ADGRL2: variants seen among roughly 807,000 people sequenced by gnomAD.
ADGRL2 encodes calcium-independent alpha-latrotoxin receptor 2.
A neutral mutation model predicts 157.4 loss-of-function variants in ADGRL2; 44 were observed. The ratio of observed to expected loss-of-function variants is 0.28; its 90% confidence interval spans 0.22 to 0.36. ADGRL2 has a LOEUF of 0.36. Among genes scored for constraint, ADGRL2 ranks in the 10% least tolerant of loss-of-function variants. The pLI is 1.00. For synonymous variants in ADGRL2, 585 were observed against 624.7 expected (o/e 0.94, Z 0.95); for missense variants, 1,510 against 1,768.9 (o/e 0.85, Z 2.63).
chr1:81,422,722 C>T (rs558071833), intron 1 of ADGRL2, among the ~76,000 whole-genome samples: 2 of 152,250 alleles, frequency 1.3e-5, no homozygotes, highest in South Asian at 4.1e-4. Context: ...ATCAGCTGTA[C>T]CACCATTTTC....
chr1:81,646,062 A>G (rs757742006), intron 3 of ADGRL2, among the ~76,000 whole-genome samples: 3 of 152,132 alleles, frequency 2.0e-5, no homozygotes, highest in African/African-American at 7.2e-5. Flanking sequence ...TGATTCTTGT[A>G]TGTACTAGAT....
At chr1:81,523,387 A>G (rs1306064905) in intron 2 of ADGRL2, among the ~76,000 whole-genome samples, 1 of 152,166 alleles carries the variant, frequency 6.6e-6, no homozygotes, top group Non-Finnish European at 1.5e-5. Flanking sequence ...ATAAAGCTTC[A>G]ATAATTAAAG....
chr1:81,757,603 ATCT>A (rs1176106411), intron 1 of ADGRL2, among the ~76,000 whole-genome samples: 2 of 152,166 alleles, frequency 1.3e-5, no homozygotes, highest in East Asian at 1.9e-4. Context: ...TTGTCTATAA[ATCT>A]TCTTCCATCA....
intron 4 of ADGRL2, among the ~76,000 whole-genome samples, chr1:81,941,303 G>A (rs1267742424): frequency 6.6e-6 from 1 of 151,392 alleles, no homozygotes; most frequent in Non-Finnish European, 1.5e-5. Flanking sequence ...TAGTGGGGGA[G>A]AAAGGTACTA....
rs72940963 is a variant in ADGRL2, at chr1:81,450,796, A to G, written c.-248+5707A>G. 6.4e-3 allele frequency among the ~76,000 whole-genome samples: 978 copies of G among 152,242 alleles called. 12 individuals are homozygous for G. Among genetic ancestry groups the G allele is most frequent in the African/African-American group, 0.022 (926 of 41,560 alleles). On this transcript the variant is annotated intron_variant, in intron 2 of 24. Transcript: ENST00000370721. ...GTGAATTATGAAAAGCAAAAGCATT[A>G]TATGTGCTTTTTCTGGAAAGTAAAG...
intron 1 of ADGRL2, among the ~76,000 whole-genome samples, chr1:81,364,004 T>C (rs548097945): frequency 1.3e-5 from 2 of 152,302 alleles, no homozygotes; most frequent in East Asian, 1.9e-4. Context: ...GCATTTAATA[T>C]TGTTGAAATT....
chr1:81,990,912 T>C lies in ADGRL2; in HGVS notation c.4177T>C (p.Tyr1393His), dbSNP rs1388921735. ...TSMPNLRDSP[Y>H]PESSPDMEED... is the part of the protein sequence containing the mutation. ...CATGCCCAATCTTAGAGACTCTCCC[T>C]ATCCGGAGAGCAGCCCTGACATGGA... Residue 1393 changes from tyrosine (Y) to histidine (H), a missense_variant, in exon 24 of 24, where the codon TAT becomes CAT. This residue lies in a region of ADGRL2 where 327 missense variants were observed against 310.1 expected (regional missense o/e 1.05). Coordinates refer to ENST00000686636, the MANE Select transcript of ADGRL2 (RefSeq NM_001366006.2). The C allele has an allele frequency of 1.2e-6, 2 of 1,613,920 alleles. No homozygotes were observed. Among genetic ancestry groups the C allele is most frequent in the Non-Finnish European group, 1.7e-6 (2 of 1,179,990 alleles).
chr1:81,409,384 A>G (rs1406359636), intron 1 of ADGRL2, among the ~76,000 whole-genome samples: 1 of 152,194 alleles, frequency 6.6e-6, no homozygotes, highest in Non-Finnish European at 1.5e-5. Context: ...GAATCTGCAA[A>G]TATGTCCTGG....
intron 1 of ADGRL2, among the ~76,000 whole-genome samples, chr1:81,419,735 G>A (rs1036563752): frequency 1.1e-4 from 16 of 152,144 alleles, no homozygotes; most frequent in African/African-American, 3.9e-4. Context: ...AATTCCTTGA[G>A]GAGAAGTCTG....
chr1:81,714,144 C>A (rs2084029974), intron 1 of ADGRL2, among the ~76,000 whole-genome samples: 1 of 152,128 alleles, frequency 6.6e-6, no homozygotes, highest in South Asian at 2.1e-4. Flanking sequence ...CAGGTCCCTC[C>A]CATGACATGT....
intron 1 of ADGRL2, among the ~76,000 whole-genome samples, chr1:81,412,775 G>A (rs2076968865): frequency 1.3e-5 from 2 of 152,094 alleles, no homozygotes; most frequent in African/African-American, 4.8e-5. Context: ...TGGATGGATG[G>A]AAATATAAAA....
At chr1:81,575,408 T>C (rs576119876) in intron 2 of ADGRL2, among the ~76,000 whole-genome samples, 10 of 152,322 alleles carry the variant, frequency 6.6e-5, no homozygotes, top group African/African-American at 1.9e-4. Flanking sequence ...GGACAAATTA[T>C]GCACATACCC....
At position 81,420,783 on chromosome 1, in the gene ADGRL2, G is replaced by A. The variant is rs78429277; in HGVS notation, c.-301-24253G>A. On this transcript the variant is annotated intron_variant, in intron 1 of 24. Transcript: ENST00000370721. ...ACAAAAGAAGCTCTCCTAGGTCGTCGGTGGGAAGTTCAATATTATTCCCTC... is the reference window on the plus strand; with the variant it reads ...ACAAAAGAAGCTCTCCTAGGTCGTCAGTGGGAAGTTCAATATTATTCCCTC... Among the ~76,000 whole-genome samples, 590 of 152,194 alleles carry A rather than the reference G, an allele frequency of 3.9e-3. 3 individuals carry two copies. The highest frequency in any genetic ancestry group is 0.014 in the African/African-American group (575 of 41,520).
intron 3 of ADGRL2, among the ~76,000 whole-genome samples, chr1:81,912,392 A>C (rs551033183): frequency 6.6e-6 from 1 of 152,224 alleles, no homozygotes; most frequent in South Asian, 2.1e-4. Context: ...ATTAAGTAAA[A>C]TTCATTATAT....
chr1:81,346,983 T>C (rs1394683644), intron 1 of ADGRL2, among the ~76,000 whole-genome samples: 1 of 152,152 alleles, frequency 6.6e-6, no homozygotes, highest in Non-Finnish European at 1.5e-5. Flanking sequence ...ACATTAGATA[T>C]ACAGACGTTA....
chr1:81,360,929 T>C (rs1218237606), intron 1 of ADGRL2, among the ~76,000 whole-genome samples: 3 of 151,888 alleles, frequency 2.0e-5, no homozygotes, highest in African/African-American at 4.8e-5. Context: ...TCTTCTGACC[T>C]AGTATCTATG....
intron 1 of ADGRL2, among the ~76,000 whole-genome samples, chr1:81,726,025 A>G (rs2084516450): frequency 6.6e-6 from 1 of 151,996 alleles, no homozygotes; most frequent in Non-Finnish European, 1.5e-5. Context: ...AAAAACCAAA[A>G]CAATCCGCAG....
At chr1:81,784,141 T>C (rs1162870838) in intron 2 of ADGRL2, among the ~76,000 whole-genome samples, 1 of 152,222 alleles carries the variant, frequency 6.6e-6, no homozygotes, top group African/African-American at 2.4e-5. Flanking sequence ...AGCATCTTAA[T>C]ATTAACATTA....
At chr1:81,878,235 A>C (rs550824734) in intron 2 of ADGRL2, among the ~76,000 whole-genome samples, 3 of 152,220 alleles carry the variant, frequency 2.0e-5, no homozygotes, top group African/African-American at 7.2e-5. Flanking sequence ...CTTTTCCCTT[A>C]ACATATCTAA....
Sources: gnomAD v4.1 joint callset for allele counts (sites outside exome capture counted in the v4.1 genomes callset) on GRCh38, gnomAD v4.1.1 for gene constraint, gnomAD v4.1.1 regional missense constraint, MANE v1.5 for transcripts, NCBI Gene and HGNC (gene_info 2026-07-23, HGNC 2026-07-21) for gene names.